Variants in DCAF8L2 observed in about 807,000 individuals in gnomAD.
The protein encoded by DCAF8L2 is DDB1- and CUL4-associated factor 8-like protein 2.
For missense variants in DCAF8L2, 430 were observed against 490.7 expected, an observed-to-expected ratio of 0.88 and a Z score of 1.17; for synonymous variants, 200 against 190.9, an observed-to-expected ratio of 1.05 and a Z score of -0.39.
chrX:27,621,503 A>G (rs73530623), intron 1 of DCAF8L2, among the ~76,000 whole-genome samples: 8,919 of 111,328 alleles, frequency 0.08, 700 homozygotes, highest in African/African-American at 0.24. Context: ...CCTCCTGCCC[A>G]CCCACCACAG....
the DCAF8L2 span, among the ~76,000 whole-genome samples, chrX:27,545,216 C>G: frequency 2.7e-5 from 3 of 111,146 alleles, no homozygotes; most frequent in African/African-American, 9.8e-5. Context: ...TCATCATATC[C>G]CTGCATCAAC....
At chrX:27,678,128 T>C (rs930751474) in intron 3 of DCAF8L2, among the ~76,000 whole-genome samples, 2 of 112,202 alleles carry the variant, frequency 1.8e-5, no homozygotes, top group African/African-American at 6.5e-5. Context: ...TGTGCCTGGT[T>C]GGCAGTGCCA....
At chrX:27,601,227 GA>G (rs1926626752) in intron 1 of DCAF8L2, among the ~76,000 whole-genome samples, 1 of 112,132 alleles carries the variant, frequency 8.9e-6, no homozygotes, top group Admixed American at 9.5e-5. Context: ...TGAACACAGT[GA>G]AATCATCTTT....
chrX:27,543,003 G>T, the DCAF8L2 span, among the ~76,000 whole-genome samples: 7 of 111,962 alleles, frequency 6.3e-5, no homozygotes, highest in Admixed American at 1.9e-4. Context: ...GATCCCACTT[G>T]TCAATTTTTG....
chrX:27,494,691 T>C, the DCAF8L2 span, among the ~76,000 whole-genome samples: 1 of 112,053 alleles, frequency 8.9e-6, no homozygotes, highest in Admixed American at 9.5e-5. Context: ...TTCTTAAAAA[T>C]ATATGCTATT....
chrX:27,495,231 A>G, the DCAF8L2 span, among the ~76,000 whole-genome samples: 12 of 111,923 alleles, frequency 1.1e-4, no homozygotes, highest in Non-Finnish European at 1.5e-4. Flanking sequence ...GAATAGATGT[A>G]TTTATGCACT....
chrX:27,543,241 T>A, the DCAF8L2 span, among the ~76,000 whole-genome samples: 1 of 112,387 alleles, frequency 8.9e-6, no homozygotes, highest in African/African-American at 3.2e-5. Flanking sequence ...GAATAAGAAG[T>A]CCTTTCCCCA....
intron 3 of DCAF8L2, among the ~76,000 whole-genome samples, chrX:27,702,610 A>G (rs1244757472): frequency 9.0e-6 from 1 of 111,354 alleles, no homozygotes; most frequent in Non-Finnish European, 1.9e-5. Context: ...AAAACACATA[A>G]TCATCTTAAT....
At chrX:27,628,605 C>CT (rs35579870) in intron 1 of DCAF8L2, among the ~76,000 whole-genome samples, 17,175 of 90,544 alleles carry the variant, frequency 0.19, 1,436 homozygotes, top group East Asian at 0.39. Flanking sequence ...TGGCTCTTGT[C>CT]TTTTTTTTTT....
At chrX:27,471,241 T>G in the DCAF8L2 span, among the ~76,000 whole-genome samples, 1 of 112,322 alleles carries the variant, frequency 8.9e-6, no homozygotes, top group African/African-American at 3.2e-5. Context: ...AGATTTCTAT[T>G]AATCAGGATT....
At chrX:27,576,263 A>G in the DCAF8L2 span, among the ~76,000 whole-genome samples, 1 of 112,255 alleles carries the variant, frequency 8.9e-6, no homozygotes, top group African/African-American at 3.2e-5. Context: ...TACCAATAGT[A>G]GAAGGTACAG....
chrX:27,537,489 G>T, the DCAF8L2 span, among the ~76,000 whole-genome samples: 1 of 112,232 alleles, frequency 8.9e-6, no homozygotes, highest in Non-Finnish European at 1.9e-5. Flanking sequence ...AATGAATTGA[G>T]AAGCTAAATT....
the DCAF8L2 span, among the ~76,000 whole-genome samples, chrX:27,532,601 C>G: frequency 9.1e-6 from 1 of 110,366 alleles, no homozygotes; most frequent in Admixed American, 9.7e-5. Flanking sequence ...AAACAGATAC[C>G]AAAATCAATG....
chrX:27,669,860 A>G (rs1462435457), intron 2 of DCAF8L2, among the ~76,000 whole-genome samples: 2 of 111,347 alleles, frequency 1.8e-5, no homozygotes, highest in Admixed American at 9.6e-5. Flanking sequence ...CATTTTCTTA[A>G]TCCAGTCTAT....
the DCAF8L2 span, among the ~76,000 whole-genome samples, chrX:27,483,826 C>T: frequency 9.0e-6 from 1 of 110,864 alleles, no homozygotes; most frequent in Non-Finnish European, 1.9e-5. Context: ...ATGGATAGGC[C>T]TAAGTCAAGT....
upstream of DCAF8L2, among the ~76,000 whole-genome samples, chrX:27,587,985 AATAT>A (rs202098791): frequency 0.024 from 543 of 22,320 alleles, 10 homozygotes; most frequent in African/African-American, 0.048. Context: ...TAAAAAAAAA[AATAT>A]ATATATATAT....
chrX:27,501,095 GTGA>G, the DCAF8L2 span, among the ~76,000 whole-genome samples: 3 of 110,993 alleles, frequency 2.7e-5, no homozygotes, highest in Non-Finnish European at 5.7e-5. Context: ...GAAATTTCCT[GTGA>G]CAAATACATG....
chrX:27,568,903 ATTCT>A, the DCAF8L2 span, among the ~76,000 whole-genome samples: 4 of 99,890 alleles, frequency 4.0e-5, no homozygotes, highest in African/African-American at 1.2e-4. Context: ...TTCCCACCTA[ATTCT>A]TTCTTCTTTA....
At chrX:27,548,272 G>A in the DCAF8L2 span, among the ~76,000 whole-genome samples, 1 of 110,949 alleles carries the variant, frequency 9.0e-6, no homozygotes, top group Non-Finnish European at 1.9e-5. Context: ...AATATTCAGG[G>A]TCTACCAATG....
Sources: gnomAD v4.1 joint callset for allele counts (sites outside exome capture counted in the v4.1 genomes callset) on GRCh38, gnomAD v4.1.1 for gene constraint, MANE v1.5 for transcripts, NCBI Gene and HGNC (gene_info 2026-07-23, HGNC 2026-07-21) for gene names.